Variants in LRRTM4 observed in about 807,000 individuals in gnomAD.
LRRTM4 encodes the protein leucine rich repeat transmembrane neuronal 4.
Under a neutral mutation model 47.6 loss-of-function variants are expected in LRRTM4, and 25 were observed. The ratio of observed to expected loss-of-function variants is 0.53; its 90% CI spans 0.38 to 0.73. The LOEUF (loss-of-function observed/expected upper bound fraction) is 0.73, where lower values mean the gene tolerates loss of function less well. Ranked by LOEUF, LRRTM4 falls within the 30% of genes least tolerant of loss-of-function variation. LRRTM4 has a pLI of 0.00. For missense variants in LRRTM4, 638 were observed against 713.4 expected (o/e 0.89, Z 1.20); for synonymous variants, 311 against 269.5 (o/e 1.15, Z -1.51).
At chr2:76,908,256 C>G (rs1411026953) in intron 3 of LRRTM4, among the ~76,000 whole-genome samples, 2 of 151,980 alleles carry the variant, frequency 1.3e-5, no homozygotes, top group Non-Finnish European at 2.9e-5. Flanking sequence ...ATGATTATCT[C>G]AATAGATGCA....
At chr2:77,507,426 A>G (rs1678817752) in intron 3 of LRRTM4, among the ~76,000 whole-genome samples, 2 of 152,238 alleles carry the variant, frequency 1.3e-5, no homozygotes, top group Admixed American at 6.6e-5. Flanking sequence ...CCAAAGGAAG[A>G]TGTTATACCA....
At chr2:77,071,008 AC>A in intron 3 of LRRTM4, among the ~76,000 whole-genome samples, 1 of 152,340 alleles carries the variant, frequency 6.6e-6, no homozygotes, top group African/African-American at 2.4e-5. Flanking sequence ...CCTTGGGATT[AC>A]TACCTGTGCA....
At chr2:76,944,161 C>T (rs544110219) in intron 3 of LRRTM4, among the ~76,000 whole-genome samples, 1 of 152,204 alleles carries the variant, frequency 6.6e-6, no homozygotes, top group African/African-American at 2.4e-5. Context: ...TCGAGTCACA[C>T]TAGCTTTCAC....
chr2:77,457,492 C>A (rs1240432680), intron 3 of LRRTM4, among the ~76,000 whole-genome samples: 1 of 152,076 alleles, frequency 6.6e-6, no homozygotes, highest in Non-Finnish European at 1.5e-5. Context: ...TTCCTGCCTT[C>A]ATTTATTTTC....
At chr2:77,042,956 T>C (rs976280307) in intron 3 of LRRTM4, among the ~76,000 whole-genome samples, 3 of 149,634 alleles carry the variant, frequency 2.0e-5, no homozygotes, top group East Asian at 2.0e-4. Context: ...GGGTGAAGAG[T>C]TGGGGGTGGG....
intron 3 of LRRTM4, among the ~76,000 whole-genome samples, chr2:76,958,364 G>A (rs6547105): frequency 0.99 from 150,752 of 151,870 alleles, 74,821 homozygotes; most frequent in Middle Eastern, 1. Flanking sequence ...TTTCCAACTC[G>A]AAGATAGATA....
At chr2:77,330,187 G>C (rs978413916) in intron 3 of LRRTM4, among the ~76,000 whole-genome samples, 3 of 152,140 alleles carry the variant, frequency 2.0e-5, no homozygotes, top group Non-Finnish European at 2.9e-5. Flanking sequence ...AGTAATCTGG[G>C]GGGGCAGGAC....
intron 3 of LRRTM4, among the ~76,000 whole-genome samples, chr2:77,014,840 T>C (rs1008449635): frequency 5.3e-5 from 8 of 151,994 alleles, no homozygotes; most frequent in African/African-American, 1.9e-4. Context: ...ATATTACTTT[T>C]AGTGACAAAA....
At chr2:77,304,223 T>C (rs76393727) in intron 3 of LRRTM4, among the ~76,000 whole-genome samples, 5,382 of 152,278 alleles carry the variant, frequency 0.035, 320 homozygotes, top group African/African-American at 0.12. Flanking sequence ...CTTGTTCATA[T>C]ACATGTTGGC....
intron 3 of LRRTM4, among the ~76,000 whole-genome samples, chr2:77,458,416 C>T (rs1457074920): frequency 1.3e-5 from 2 of 152,062 alleles, no homozygotes; most frequent in Admixed American, 6.6e-5. Flanking sequence ...GCACCACTCT[C>T]TTCATTTGGA....
intron 3 of LRRTM4, among the ~76,000 whole-genome samples, chr2:77,091,737 C>T (rs1362517232): frequency 4.7e-5 from 7 of 149,848 alleles, no homozygotes; most frequent in African/African-American, 1.5e-4. Context: ...TACTGCCTGC[C>T]GCAAAGCTTC....
intron 3 of LRRTM4, among the ~76,000 whole-genome samples, chr2:77,377,062 G>C (rs894859632): frequency 6.6e-6 from 1 of 151,730 alleles, no homozygotes; most frequent in Non-Finnish European, 1.5e-5. Context: ...ATGTTATTTA[G>C]TTAGTTGCTG....
chr2:76,941,760 CT>C (rs1675151153), intron 3 of LRRTM4, among the ~76,000 whole-genome samples: 1 of 152,138 alleles, frequency 6.6e-6, no homozygotes, highest in Non-Finnish European at 1.5e-5. Flanking sequence ...GTGAATAATG[CT>C]GCAATAAACA....
intron 3 of LRRTM4, among the ~76,000 whole-genome samples, chr2:76,855,712 A>G (rs553207658): frequency 6.6e-6 from 1 of 152,282 alleles, no homozygotes; most frequent in East Asian, 1.9e-4. Context: ...GTCTGAGGGC[A>G]TTAATTTACA....
At chr2:77,101,329 C>A (rs1386400045) in intron 3 of LRRTM4, among the ~76,000 whole-genome samples, 1 of 152,098 alleles carries the variant, frequency 6.6e-6, no homozygotes, top group Non-Finnish European at 1.5e-5. Flanking sequence ...TAATTATATT[C>A]TCTATACCAG....
rs144563022 is a variant in LRRTM4 at position 77,114,360 on chromosome 2, G to A, written c.1552-365444C>T. 4.6e-5 allele frequency among the ~76,000 whole-genome samples: 7 copies of A among 152,252 alleles called. No homozygotes were observed. The East Asian group carries it at 9.7e-4, about 21-fold the overall frequency. Reference sequence around the variant, plus strand: ...GGTAACATATTTTCCATCGGTACCCGAATACCTCCTTGTTTTAACAGGAGT... The same window carrying A: ...GGTAACATATTTTCCATCGGTACCCAAATACCTCCTTGTTTTAACAGGAGT... On this transcript the variant is annotated intron_variant, in intron 3 of 3. Transcript: ENST00000409884.
At chr2:76,916,894 A>T (rs1674271162) in intron 3 of LRRTM4, among the ~76,000 whole-genome samples, 1 of 152,238 alleles carries the variant, frequency 6.6e-6, no homozygotes, top group African/African-American at 2.4e-5. Context: ...TAAGATATTT[A>T]TAAAACCATC....
intron 3 of LRRTM4, among the ~76,000 whole-genome samples, chr2:76,828,573 AAC>A (rs1400756292): frequency 6.6e-6 from 1 of 151,966 alleles, no homozygotes; most frequent in Non-Finnish European, 1.5e-5. Context: ...TTAGAAAGTT[AAC>A]AGTTTCTTAC....
At chr2:76,874,403 C>A (rs898438955) in intron 3 of LRRTM4, among the ~76,000 whole-genome samples, 1 of 151,904 alleles carries the variant, frequency 6.6e-6, no homozygotes, top group Non-Finnish European at 1.5e-5. Context: ...AAATGTCTTA[C>A]CACTGTATTC....
Sources: gnomAD v4.1 joint callset for allele counts (sites outside exome capture counted in the v4.1 genomes callset) on GRCh38, gnomAD v4.1.1 for gene constraint, MANE v1.5 for transcripts, NCBI Gene and HGNC (gene_info 2026-07-23, HGNC 2026-07-21) for gene names.